Variants in CHCHD3 observed in about 807,000 individuals in gnomAD.
The protein encoded by CHCHD3 is MICOS complex subunit MIC19.
Under a neutral mutation model 38.2 loss-of-function variants are expected in CHCHD3, and 20 were observed. The ratio of observed to expected loss-of-function variants is 0.52; its 90% CI spans 0.37 to 0.76. The LOEUF (loss-of-function observed/expected upper bound fraction) is 0.76, where lower values mean the gene tolerates loss of function less well. Ranked by LOEUF, CHCHD3 falls within the 30% of genes least tolerant of loss-of-function variation. The pLI is 0.00. For synonymous variants in CHCHD3, 82 were observed against 100.0 expected (o/e 0.82, Z 1.07); for missense variants, 245 against 279.2 (o/e 0.88, Z 0.87).
At chr7:132,805,115 G>A (rs1806881971) in intron 6 of CHCHD3, among the ~76,000 whole-genome samples, 1 of 152,206 alleles carries the variant, frequency 6.6e-6, no homozygotes, top group South Asian at 2.1e-4. Flanking sequence ...AGACTAGGAA[G>A]GGGGAGTAAA....
At chr7:132,983,421 G>A (rs1488690577) in intron 3 of CHCHD3, among the ~76,000 whole-genome samples, 2 of 152,190 alleles carry the variant, frequency 1.3e-5, no homozygotes, top group African/African-American at 4.8e-5. Flanking sequence ...TAAAGATGCA[G>A]TATTAAGTCA....
At chr7:132,991,411 C>T (rs1424511375) in intron 3 of CHCHD3, among the ~76,000 whole-genome samples, 1 of 152,102 alleles carries the variant, frequency 6.6e-6, no homozygotes, top group African/African-American at 2.4e-5. Context: ...CATGTGGCAG[C>T]CTTGATCTTT....
intron 2 of CHCHD3, among the ~76,000 whole-genome samples, chr7:133,057,063 A>G (rs1233050197): frequency 3.3e-5 from 5 of 152,168 alleles, no homozygotes; most frequent in African/African-American, 7.2e-5. Flanking sequence ...ATCACATTAC[A>G]TCACTGCCAG....
intron 2 of CHCHD3, among the ~76,000 whole-genome samples, chr7:133,048,315 C>T (rs956455831): frequency 6.6e-6 from 1 of 151,986 alleles, no homozygotes; most frequent in African/African-American, 2.4e-5. Context: ...GAAGTGACTA[C>T]AAAACAACAA....
At chr7:132,973,580 A>G in intron 4 of CHCHD3, 1 of 995,356 alleles carries the variant, frequency 1.0e-6, no homozygotes, top group Non-Finnish European at 1.2e-6. Flanking sequence ...GGCAGCTGCC[A>G]GTCAGTCCAC....
intron 3 of CHCHD3, among the ~76,000 whole-genome samples, chr7:132,995,919 T>C (rs1812402832): frequency 6.6e-6 from 1 of 152,176 alleles, no homozygotes; most frequent in Non-Finnish European, 1.5e-5. Flanking sequence ...TTAACAGGTG[T>C]TTTATGTATG....
At chr7:132,907,765 G>C (rs1391153899) in intron 4 of CHCHD3, among the ~76,000 whole-genome samples, 1 of 152,204 alleles carries the variant, frequency 6.6e-6, no homozygotes, top group Non-Finnish European at 1.5e-5. Flanking sequence ...GAGAATGCCA[G>C]TAGGGAAACC....
intron 6 of CHCHD3, among the ~76,000 whole-genome samples, chr7:132,835,299 T>C (rs1013557789): frequency 7.2e-5 from 11 of 152,146 alleles, no homozygotes; most frequent in Non-Finnish European, 1.6e-4. Context: ...ACAATTTCTA[T>C]CACTAGGAAA....
intron 2 of CHCHD3, among the ~76,000 whole-genome samples, chr7:133,064,813 G>A (rs1814623944): frequency 6.6e-6 from 1 of 152,078 alleles, no homozygotes; most frequent in African/African-American, 2.4e-5. Context: ...TTTTTTTCCA[G>A]ATTCATCATT....
chr7:132,845,295 A>C (rs892508492), intron 5 of CHCHD3, among the ~76,000 whole-genome samples: 1 of 152,234 alleles, frequency 6.6e-6, no homozygotes, highest in African/African-American at 2.4e-5. Flanking sequence ...CCTATTATTA[A>C]AAATTATTTG....
At chr7:133,000,243 A>G (rs187713191) in intron 3 of CHCHD3, among the ~76,000 whole-genome samples, 3 of 152,330 alleles carry the variant, frequency 2.0e-5, no homozygotes, top group African/African-American at 7.2e-5. Flanking sequence ...TACAATTTCA[A>G]TGAAAAATCA....
At chr7:132,960,502 A>C (rs1811289993) in intron 4 of CHCHD3, among the ~76,000 whole-genome samples, 1 of 152,172 alleles carries the variant, frequency 6.6e-6, no homozygotes, top group Admixed American at 6.5e-5. Context: ...AAAAAGTAAT[A>C]ATCAGTTTGA....
chr7:133,009,226 C>T (rs958782762), intron 3 of CHCHD3, among the ~76,000 whole-genome samples: 1 of 151,718 alleles, frequency 6.6e-6, no homozygotes, highest in African/African-American at 2.4e-5. Context: ...TGGCCAGGCA[C>T]GGTGGTGTGC....
chr7:132,848,177 A>G (rs1808128225), intron 5 of CHCHD3, among the ~76,000 whole-genome samples: 1 of 152,162 alleles, frequency 6.6e-6, no homozygotes, highest in Admixed American at 6.5e-5. Flanking sequence ...CCTACAACAC[A>G]AGCAAACACA....
chr7:133,031,482 T>C (rs1325627573), intron 2 of CHCHD3, among the ~76,000 whole-genome samples: 1 of 151,758 alleles, frequency 6.6e-6, no homozygotes, highest in Non-Finnish European at 1.5e-5. Flanking sequence ...TTCCCACTTG[T>C]AATTCCCTTT....
At chr7:132,836,206 C>T (rs958051069) in intron 6 of CHCHD3, among the ~76,000 whole-genome samples, 3 of 152,014 alleles carry the variant, frequency 2.0e-5, no homozygotes, top group Admixed American at 6.6e-5. Flanking sequence ...CTTTGCCTCT[C>T]GGATTCAAGC....
chr7:132,804,705 C>T (rs1380531793), intron 6 of CHCHD3, among the ~76,000 whole-genome samples: 1 of 152,148 alleles, frequency 6.6e-6, no homozygotes, highest in Non-Finnish European at 1.5e-5. Flanking sequence ...CATTACTTTA[C>T]GTGATACACT....
intron 2 of CHCHD3, among the ~76,000 whole-genome samples, chr7:133,058,695 G>A (rs1562950884): frequency 6.6e-6 from 1 of 152,062 alleles, no homozygotes; most frequent in African/African-American, 2.4e-5. Context: ...GTCATGAGAT[G>A]ACCACTATGT....
intron 4 of CHCHD3, chr7:132,887,084 T>A (rs185029280): frequency 1.7e-6 from 1 of 597,446 alleles, no homozygotes; most frequent in East Asian, 3.5e-5. Flanking sequence ...TGGATAATAT[T>A]TAAAATGCAA....
Sources: gnomAD v4.1 joint callset for allele counts (sites outside exome capture counted in the v4.1 genomes callset) on GRCh38, gnomAD v4.1.1 for gene constraint, MANE v1.5 for transcripts, NCBI Gene and HGNC (gene_info 2026-07-23, HGNC 2026-07-21) for gene names.